FAM118B: variants seen among roughly 807,000 people sequenced by gnomAD.
The protein encoded by FAM118B is SIR2 antiphage like 1, also known as protein FAM118B.
FAM118B carries 24 observed loss-of-function variants against 38.5 expected under a neutral mutation model. That is an observed-to-expected ratio of 0.62 (90% CI 0.45 to 0.88). The LOEUF is 0.88. Among genes scored for constraint, FAM118B ranks in the 40% least tolerant of loss-of-function variants. FAM118B has a pLI of 0.00. For missense variants in FAM118B, 334 were observed against 420.0 expected, an observed-to-expected ratio of 0.80 and a Z score of 1.79; for synonymous variants, 138 against 156.3, an observed-to-expected ratio of 0.88 and a Z score of 0.87.
In FAM118B at chr11:126,237,517, C is replaced by T. The variant is rs1174187277; in HGVS notation, c.86+2430C>T. 2.8e-5 allele frequency among the ~76,000 whole-genome samples: 4 copies of T among 142,830 alleles called. No individual in the cohort carries two copies. In the South Asian group the frequency reaches 6.9e-4, roughly 25 times the overall value. The allele number at this position is 142,830 out of a possible 152,430, so 93.7% of individuals were successfully genotyped here. ...CCTCCCAAAGTGCTGGGATGACAGG[C>T]GTGAGCCACCCCACCTGGCCAATTT... On this transcript the variant is annotated intron_variant, in intron 3 of 8. Transcript: ENST00000533050.
chr11:126,223,602 C>A (rs1041629913), intron 1 of FAM118B, among the ~76,000 whole-genome samples: 2 of 144,174 alleles, frequency 1.4e-5, no homozygotes, highest in South Asian at 4.5e-4. Context: ...AAAAAAAAAT[C>A]TTTTGCTGCT....
intron 1 of FAM118B, among the ~76,000 whole-genome samples, chr11:126,227,606 C>T (rs1034773154): frequency 6.6e-6 from 1 of 152,118 alleles, no homozygotes; most frequent in Non-Finnish European, 1.5e-5. Flanking sequence ...CTAAGAATAA[C>T]TGTAACACGA....
intron 4 of FAM118B, among the ~76,000 whole-genome samples, chr11:126,246,978 G>A (rs1565336295): frequency 6.6e-6 from 1 of 152,110 alleles, no homozygotes; most frequent in South Asian, 2.1e-4. Context: ...GAAACAAAGC[G>A]GGACCCCCTA....
intron 3 of FAM118B, among the ~76,000 whole-genome samples, chr11:126,236,437 A>G (rs1260647226): frequency 2.0e-5 from 3 of 152,000 alleles, no homozygotes. Flanking sequence ...AATCCTTTGT[A>G]TTGTATGACC....
chr11:126,260,159 A>T (rs1950658473), intron 7 of FAM118B, among the ~76,000 whole-genome samples: 1 of 152,046 alleles, frequency 6.6e-6, no homozygotes, highest in Admixed American at 6.6e-5. Context: ...CAGCCTCCCG[A>T]GTAGCTGAGA....
At chr11:126,237,868 A>G (rs1287146659) in intron 3 of FAM118B, among the ~76,000 whole-genome samples, 6 of 150,672 alleles carry the variant, frequency 4.0e-5, no homozygotes, top group Non-Finnish European at 8.9e-5. Flanking sequence ...AAAAAAAAAA[A>G]AAAAAGAAAA....
intron 1 of FAM118B, among the ~76,000 whole-genome samples, chr11:126,216,124 C>G (rs1949975136): frequency 6.6e-6 from 1 of 152,084 alleles, no homozygotes; most frequent in South Asian, 2.1e-4. Flanking sequence ...ACCTGTAATC[C>G]CAGCACTTTG....
chr11:126,254,573 C>G, intron 6 of FAM118B, 140 bp downstream of exon 6: 1 of 1,160,182 alleles, frequency 8.6e-7, no homozygotes, highest in Non-Finnish European at 1.2e-6. Context: ...TGGCTCATGC[C>G]TATAATCCCA....
At chr11:126,234,882 T>C in intron 2 of FAM118B, 113 bp from the exon 3 acceptor site, 2 of 708,230 alleles carry the variant, frequency 2.8e-6, no homozygotes, top group Non-Finnish European at 4.5e-6. Context: ...AGGGGGCACC[T>C]CCAAAACACC....
intron 1 of FAM118B, among the ~76,000 whole-genome samples, chr11:126,228,501 A>G (rs1033885453): frequency 1.3e-5 from 2 of 151,554 alleles, no homozygotes; most frequent in Non-Finnish European, 2.9e-5. Context: ...GGCCTAGCCC[A>G]TTTTAATTTT....
At chr11:126,258,074 G>A (rs1457869335) in intron 7 of FAM118B, among the ~76,000 whole-genome samples, 1 of 152,192 alleles carries the variant, frequency 6.6e-6, no homozygotes, top group Non-Finnish European at 1.5e-5. Context: ...GAAAACTTAT[G>A]TAAGTATTTT....
chr11:126,247,809 G>T (rs1399230758), intron 4 of FAM118B, among the ~76,000 whole-genome samples: 1 of 144,234 alleles, frequency 6.9e-6, no homozygotes, highest in Non-Finnish European at 1.5e-5. Flanking sequence ...AGTGAGCTGA[G>T]ACCACGCCAC....
chr11:126,259,804 T>C (rs1342422944), intron 7 of FAM118B, among the ~76,000 whole-genome samples: 1 of 149,468 alleles, frequency 6.7e-6, no homozygotes, highest in African/African-American at 2.5e-5. Flanking sequence ...CACTGCAAGC[T>C]CTGCCTCCTG....
intron 1 of FAM118B, 90 bp from the exon 2 acceptor site, chr11:126,229,135 A>G (rs1395122104): frequency 2.6e-5 from 4 of 152,106 alleles, no homozygotes; most frequent in African/African-American, 9.7e-5. Flanking sequence ...TTATGATGGA[A>G]TTGTTTGTGT....
chr11:126,237,143 C>T (rs188727665), intron 3 of FAM118B, among the ~76,000 whole-genome samples: 3 of 149,558 alleles, frequency 2.0e-5, no homozygotes, highest in South Asian at 2.1e-4. Context: ...GCCTTAATCT[C>T]CTGACCTCAT....
chr11:126,243,528 A>G (rs937815815), intron 4 of FAM118B, among the ~76,000 whole-genome samples: 1 of 151,988 alleles, frequency 6.6e-6, no homozygotes, highest in Non-Finnish European at 1.5e-5. Context: ...GGACACAAAA[A>G]TCCTCAACAA....
At position 126,253,630 on chromosome 11, in the gene FAM118B, A is replaced by C. The variant is rs1173368645; in HGVS notation, c.568-675A>C. 6.6e-6 allele frequency among the ~76,000 whole-genome samples: 1 copy of C among 152,094 alleles called. No homozygotes were observed. Among genetic ancestry groups the C allele is most frequent in the African/African-American group, 2.4e-5 (1 of 41,418 alleles). On this transcript the variant is annotated intron_variant, in intron 5 of 8. Transcript: ENST00000533050. This position sits in a 1 kb window ranked among gnomAD's most constrained non-coding sequence, Gnocchi z 5.1. Reference sequence around the variant, plus strand: ...TTAACAATTTGAACTGGGCTCAGTGACTCAGCCAGGCATTTTTTCTGCTGA... The same window carrying C: ...TTAACAATTTGAACTGGGCTCAGTGCCTCAGCCAGGCATTTTTTCTGCTGA...
intron 7 of FAM118B, among the ~76,000 whole-genome samples, chr11:126,258,699 G>A (rs1373121596): frequency 3.3e-5 from 5 of 152,160 alleles, no homozygotes; most frequent in African/African-American, 9.7e-5. Flanking sequence ...CTTTTCTGTT[G>A]CACATGTTGT....
chr11:126,257,981 A>G (rs1565341391), intron 7 of FAM118B, among the ~76,000 whole-genome samples: 2 of 152,330 alleles, frequency 1.3e-5, no homozygotes, highest in East Asian at 1.9e-4. Context: ...AAAACCTCAC[A>G]TTGCCAGGCT....
Sources: gnomAD v4.1 joint callset for allele counts (sites outside exome capture counted in the v4.1 genomes callset) on GRCh38, gnomAD v4.1.1 for gene constraint, Gnocchi (gnomAD v3.1) non-coding constraint, MANE v1.5 for transcripts, NCBI Gene and HGNC (gene_info 2026-07-23, HGNC 2026-07-21) for gene names.